SPINK8: variants seen among roughly 807,000 people sequenced by gnomAD.
SPINK8 encodes the protein serine peptidase inhibitor Kazal type 8 (putative).
Under a neutral mutation model 14.4 loss-of-function variants are expected in SPINK8, and 12 were observed. The ratio of observed to expected loss-of-function variants is 0.83; its 90% CI spans 0.53 to 1.35. The LOEUF is 1.35. Ranked by LOEUF, SPINK8 falls within the 40% of genes most tolerant of loss-of-function variation. The pLI is 0.00. For missense variants in SPINK8, 103 were observed against 117.0 expected (o/e 0.88, Z 0.55); for synonymous variants, 32 against 37.6 (o/e 0.85, Z 0.55).
intron 3 of SPINK8, among the ~76,000 whole-genome samples, 44 bp downstream of exon 3, chr3:48,329,108 AT>A (rs2036183180): frequency 6.6e-6 from 1 of 152,242 alleles, no homozygotes; most frequent in South Asian, 2.1e-4. Flanking sequence ...CAAGTAATAA[AT>A]AATACAACCC....
At chr3:48,331,934 G>A (rs912340616) in intron 2 of SPINK8, among the ~76,000 whole-genome samples, 1 of 152,198 alleles carries the variant, frequency 6.6e-6, no homozygotes, top group Non-Finnish European at 1.5e-5. Context: ...AGGGGCTGGC[G>A]CTTGCCCCAG....
chr3:48,309,047 T>A (rs2035887523), intron 7 of SPINK8, among the ~76,000 whole-genome samples: 1 of 152,206 alleles, frequency 6.6e-6, no homozygotes, highest in African/African-American at 2.4e-5. Flanking sequence ...AACATTCAGG[T>A]AATTGACCGT....
chr3:48,320,839 C>G (rs144369024), intron 5 of SPINK8, among the ~76,000 whole-genome samples, 186 bp downstream of exon 5: 173 of 152,266 alleles, frequency 1.1e-3, no homozygotes, highest in African/African-American at 4.0e-3. Flanking sequence ...TGGGAGAACC[C>G]TTGAGAAGAG....
At chr3:48,316,016 T>C (rs187665961) in intron 6 of SPINK8, among the ~76,000 whole-genome samples, 2 of 151,782 alleles carry the variant, frequency 1.3e-5, no homozygotes, top group African/African-American at 2.4e-5. Context: ...AAAATAATTA[T>C]GAAGAAAAAA....
At chr3:48,319,378 G>T in intron 6 of SPINK8, 119 bp downstream of exon 6, 1 of 1,163,974 alleles carries the variant, frequency 8.6e-7, no homozygotes, top group Non-Finnish European at 1.2e-6. Context: ...AATACTGGAG[G>T]AATGTCTGGA....
intron 6 of SPINK8, among the ~76,000 whole-genome samples, chr3:48,310,495 AATT>A (rs200613576): frequency 0.2 from 28,638 of 146,582 alleles, 3,183 homozygotes; most frequent in South Asian, 0.27. Context: ...CCAAAAAAAA[AATT>A]TTTTTTTTTT....
At chr3:48,319,999 G>A (rs1259708503) in intron 5 of SPINK8, among the ~76,000 whole-genome samples, 2 of 151,828 alleles carry the variant, frequency 1.3e-5, no homozygotes, top group African/African-American at 4.8e-5. Flanking sequence ...GCGTGGTGGT[G>A]GGCGCCTGTA....
chr3:48,320,904 TTC>T, intron 5 of SPINK8, 119 bp downstream of exon 5: 1 of 910,706 alleles, frequency 1.1e-6, no homozygotes, highest in Non-Finnish European at 1.7e-6. Flanking sequence ...GCTTTTATTG[TTC>T]TGTTATTCCC....
chr3:48,317,663 C>T (rs1421265682), intron 6 of SPINK8, among the ~76,000 whole-genome samples: 3 of 151,680 alleles, frequency 2.0e-5, no homozygotes, highest in East Asian at 4.0e-4. Context: ...CTACAGGCAC[C>T]CGCCACCACG....
intron 5 of SPINK8, among the ~76,000 whole-genome samples, chr3:48,319,992 T>C (rs941762649): frequency 6.6e-6 from 1 of 150,454 alleles, no homozygotes; most frequent in African/African-American, 2.4e-5. Context: ...TAGCCGGGCG[T>C]GGTGGTGGGC....
Position 48,333,536 on chromosome 3 carries a change from G to A in SPINK8, c.-243C>T, listed in dbSNP as rs146550155. On this transcript the variant is annotated splice_region_variant and 5_prime_UTR_variant, in exon 1 of 8. Transcript: ENST00000434006. ...GCTTATCAGATTAGTTACACTCACC[G>A]ATGTAGCAGTCCTGCACCTGTTTTC... Among the ~76,000 whole-genome samples, 1,548 of 152,226 alleles carry A rather than the reference G, an allele frequency of 0.01. 32 individuals carry two copies. Among genetic ancestry groups the A allele is most frequent in the Middle Eastern group, 0.038 (11 of 292 alleles).
At chr3:48,320,724 C>A (rs2107099602) in intron 5 of SPINK8, among the ~76,000 whole-genome samples, 1 of 152,170 alleles carries the variant, frequency 6.6e-6, no homozygotes, top group African/African-American at 2.4e-5. Context: ...GAAACAGTAT[C>A]CACTGTGGCA....
intron 6 of SPINK8, among the ~76,000 whole-genome samples, chr3:48,315,807 A>ACC (rs2107090488): frequency 6.6e-6 from 1 of 151,808 alleles, no homozygotes; most frequent in Non-Finnish European, 1.5e-5. Context: ...ATGATGTCTC[A>ACC]CCAAATAGCG....
intron 6 of SPINK8, 147 bp from the exon 7 acceptor site, chr3:48,310,093 A>G (rs1393079927): frequency 1.8e-5 from 20 of 1,114,784 alleles, no homozygotes. Context: ...AAATTCTACT[A>G]TATGAATTTT....
chr3:48,328,021 T>C (rs2036169506), intron 4 of SPINK8, among the ~76,000 whole-genome samples: 1 of 152,206 alleles, frequency 6.6e-6, no homozygotes. Context: ...TTTCTGAGGT[T>C]TAAATATCTT....
intron 4 of SPINK8, among the ~76,000 whole-genome samples, chr3:48,321,524 T>C (rs1245201518): frequency 6.6e-6 from 1 of 151,068 alleles, no homozygotes; most frequent in East Asian, 1.9e-4. Context: ...ATATAATATG[T>C]ATAATATGTT....
intron 6 of SPINK8, among the ~76,000 whole-genome samples, chr3:48,312,885 C>T (rs2035940851): frequency 6.6e-6 from 1 of 151,634 alleles, no homozygotes; most frequent in Non-Finnish European, 1.5e-5. Context: ...GTAGTCCCAG[C>T]TACTCCGGAG....
chr3:48,313,063 T>G (rs77554319), intron 6 of SPINK8, among the ~76,000 whole-genome samples: 2 of 152,026 alleles, frequency 1.3e-5, no homozygotes, highest in African/African-American at 4.8e-5. Context: ...AGGTAAATCT[T>G]TATGCCTTTG....
chr3:48,331,839 A>G (rs1450732498), intron 2 of SPINK8, among the ~76,000 whole-genome samples: 1 of 152,232 alleles, frequency 6.6e-6, no homozygotes, highest in African/African-American at 2.4e-5. Flanking sequence ...ACAGGAGAGT[A>G]AGACTGAGAA....
Sources: gnomAD v4.1 joint callset for allele counts (sites outside exome capture counted in the v4.1 genomes callset) on GRCh38, gnomAD v4.1.1 for gene constraint, MANE v1.5 for transcripts, NCBI Gene and HGNC (gene_info 2026-07-23, HGNC 2026-07-21) for gene names.